Variants in FKRP observed in about 807,000 individuals in gnomAD.
FKRP encodes fukutin related protein, also known as ribitol 5-phosphate transferase FKRP.
A neutral mutation model predicts 30.6 loss-of-function variants in FKRP; 25 were observed. The ratio of observed to expected loss-of-function variants is 0.82; its 90% CI spans 0.60 to 1.14. The LOEUF is 1.14. FKRP is among the 50% of genes most tolerant of loss of function. The probability of loss-of-function intolerance (pLI) is 0.00; values close to 1 mark genes in which losing one functional copy is unlikely to be tolerated. For missense variants in FKRP, 771 were observed against 727.8 expected (o/e 1.06, Z -0.68); for synonymous variants, 358 against 342.5 (o/e 1.05, Z -0.50).
chr19:46,746,460 C>G (rs1469202620), intron 1 of FKRP: 2 of 990,548 alleles, frequency 2.0e-6, no homozygotes, highest in African/African-American at 1.8e-5. Context: ...TGCGCGCCCG[C>G]TGTGCCTCGC....
chr19:46,751,710 C>T (rs370440908), intron 3 of FKRP, among the ~76,000 whole-genome samples: 50 of 152,124 alleles, frequency 3.3e-4, no homozygotes, highest in African/African-American at 1.1e-3. Context: ...GGACTACAGG[C>T]GCCCGCCACC....
intron 3 of FKRP, among the ~76,000 whole-genome samples, chr19:46,751,075 T>C (rs1310451422): frequency 1.3e-5 from 2 of 149,680 alleles, no homozygotes; most frequent in African/African-American, 4.9e-5. Context: ...TTTTTTTTTT[T>C]AAAGACAGAC....
At position 46,756,253 on chromosome 19, in the gene FKRP, T is replaced by C; in HGVS notation, c.803T>C (p.Leu268Pro). Residue 268 changes from leucine to proline, a missense_variant, in exon 4 of 4, where the codon CTG becomes CCG. Physicochemically the swap from Leu to Pro is moderately conservative, Grantham distance 98 (BLOSUM62 -3). Transcript: ENST00000318584. This position sits in a 1 kb window ranked among gnomAD's most constrained non-coding sequence, Gnocchi z 6.6. ...GAGGGACGCGCTCGGCGGGCGGCGCTGCTCCGCGCGCTGGGCATCCGCCTA... is the reference window on the plus strand; with the variant it reads ...GAGGGACGCGCTCGGCGGGCGGCGCCGCTCCGCGCGCTGGGCATCCGCCTA... ...EREGRARRAA[L>P]LRALGIRLVS... The C allele has an allele frequency of 6.8e-7, 1 of 1,475,696 alleles. No homozygotes were observed. 91.4% of individuals were successfully genotyped at this position (1,475,696 alleles called of 1,614,324 possible).
At chr19:46,746,545 G>T in intron 1 of FKRP, 1 of 504,570 alleles carries the variant, frequency 2.0e-6, no homozygotes, top group Non-Finnish European at 2.5e-6. Context: ...GCGGGGGACA[G>T]TAGGAAGGGG....
In FKRP at chr19:46,752,597, A is replaced by C. The variant is rs1270180795; in HGVS notation, c.-39-2815A>C. Among the ~76,000 whole-genome samples, 3 of 152,200 alleles carry C rather than the reference A, an allele frequency of 2.0e-5. No homozygotes were observed. In the South Asian group the frequency reaches 6.2e-4, roughly 31 times the overall value. ...AAGATTAGAAAGGACATGGTGACTC[A>C]CGCCTGTAATCCTGGCACTTTGGGA... On this transcript the variant is annotated intron_variant, in intron 3 of 3. Coordinates refer to ENST00000318584, the MANE Select transcript of FKRP (RefSeq NM_024301.5).
intron 1 of FKRP, chr19:46,746,359 C>T: frequency 8.5e-7 from 1 of 1,173,440 alleles, no homozygotes; most frequent in Non-Finnish European, 1.1e-6. Flanking sequence ...GGCCAGGGCC[C>T]GCGCCTGAGC....
chr19:46,745,911 A>C (rs1001848817), upstream of FKRP: 127 of 313,414 alleles, frequency 4.1e-4, no homozygotes, highest in African/African-American at 1.0e-3. Context: ...GATCCCTCCC[A>C]CCCCCGGTCC....
upstream of FKRP, chr19:46,745,825 C>T: frequency 4.3e-6 from 1 of 233,204 alleles, no homozygotes. Context: ...CCGCGGCCAG[C>T]GTGCTCAGTC....
At chr19:46,745,965 A>C, upstream of FKRP, 1 of 583,288 alleles carries the variant, frequency 1.7e-6, no homozygotes, top group Non-Finnish European at 2.5e-6. Flanking sequence ...CCCACCCCGG[A>C]GTGCCCTCAG....
In FKRP at chr19:46,750,158, A is replaced by C. The variant is rs148631975; in HGVS notation, c.-40+1493A>C. Among the ~76,000 whole-genome samples the C allele has an allele frequency of 6.2e-3, 944 of 152,338 alleles. 13 individuals carry two copies. The highest frequency in any genetic ancestry group is 0.021 in the African/African-American group (882 of 41,578). On this transcript the variant is annotated intron_variant, in intron 3 of 3. Transcript: ENST00000318584. ...CGATTCAGAAAAATGTAGAACATTCAGACCTTCAAAATCATCATTGTATCC... is the reference window on the plus strand; with the variant it reads ...CGATTCAGAAAAATGTAGAACATTCCGACCTTCAAAATCATCATTGTATCC...
rs201076863 is a variant in FKRP at position 46,756,686 on chromosome 19, C to T, written c.1236C>T (p.His412=). Residue 412 remains histidine, a synonymous_variant, in exon 4 of 4, where the codon CAC becomes CAT. Transcript: ENST00000318584. This position sits in a 1 kb window ranked among gnomAD's most constrained non-coding sequence, Gnocchi z 6.6. The part of the protein sequence containing the change: ...FFRVQYSESN[H]LHVDLWPFYP... ...GCGTGCAGTACAGCGAAAGCAACCACTTGCACGTGGACCTGTGGCCCTTCT... is the reference window on the plus strand; with the variant it reads ...GCGTGCAGTACAGCGAAAGCAACCATTTGCACGTGGACCTGTGGCCCTTCT... The T allele has an allele frequency of 6.6e-5, 107 of 1,613,274 alleles. No individual in the cohort carries two copies. The East Asian group carries it at 2.2e-3, about 33-fold the overall frequency.
chr19:46,745,904 C>T (rs2054582954), upstream of FKRP: 1 of 359,054 alleles, frequency 2.8e-6, no homozygotes. Flanking sequence ...TCCCGGTGAT[C>T]CCTCCCACCC....
At chr19:46,751,698 T>C (rs1210218325) in intron 3 of FKRP, among the ~76,000 whole-genome samples, 1 of 152,026 alleles carries the variant, frequency 6.6e-6, no homozygotes, top group East Asian at 1.9e-4. Context: ...CCCGAGTAGC[T>C]GGGACTACAG....
chr19:46,753,329 T>TAC (rs2054831954), intron 3 of FKRP, among the ~76,000 whole-genome samples: 1 of 16,412 alleles, frequency 6.1e-5, no homozygotes, highest in Non-Finnish European at 1.2e-4. Context: ...TGGTGGCGCA[T>TAC]GCCTGTAATC....
Position 46,755,467 on chromosome 19 carries a change from G to A in FKRP, c.17G>A (p.Cys6Tyr). The A allele has an allele frequency of 6.2e-7, 1 of 1,607,790 alleles. No individual in the cohort carries two copies. The highest frequency in any genetic ancestry group is 8.5e-7 in the Non-Finnish European group (1 of 1,179,270). Residue 6 changes from cysteine to tyrosine, a missense_variant, in exon 4 of 4, where the codon TGC becomes TAC. Transcript: ENST00000318584. MRLTRCQAALAAAITL... is the reference protein window; with the variant it reads MRLTRYQAALAAAITL... ...TTCGGCCCCATGCGGCTCACCCGCT[G>A]CCAGGCTGCCCTGGCGGCCGCCATC...
intron 3 of FKRP, among the ~76,000 whole-genome samples, 192 bp from the exon 4 acceptor site, chr19:46,755,220 C>CCAGA (rs2054883423): frequency 6.6e-6 from 1 of 151,974 alleles, no homozygotes; most frequent in South Asian, 2.1e-4. Context: ...CTGAGGACAC[C>CCAGA]CAGAGTTGGT....
chr19:46,745,970 C>T, upstream of FKRP: 1 of 744,670 alleles, frequency 1.3e-6, no homozygotes, highest in East Asian at 3.7e-5. Context: ...CCCGGAGTGC[C>T]CTCAGGACAC....
chr19:46,746,083 G>A lies in FKRP; in HGVS notation c.-260G>A, dbSNP rs531446425. On this transcript the variant is annotated 5_prime_UTR_variant, in exon 1 of 4. Transcript: ENST00000318584. ...ATTGCTCCAAGATGGCGGCGGCGGC[G>A]GCAGCGGGTGAGGCCGGGCCGGGCC... 6 of 1,331,808 alleles carry A rather than the reference G, an allele frequency of 4.5e-6. No homozygotes were observed. The African/African-American group carries it at 4.7e-5, about 10-fold the overall frequency. The allele number at this position is 1,331,808 out of a possible 1,614,324, so 82.5% of individuals were successfully genotyped here.
chr19:46,748,742 CT>C (rs921347430), intron 3 of FKRP, 77 bp downstream of exon 3: 4 of 152,482 alleles, frequency 2.6e-5, no homozygotes, highest in Non-Finnish European at 5.9e-5. Context: ...TTTTGTCCGT[CT>C]TTTTTTTGTT....
Sources: allele counts gnomAD v4.1 joint callset (sites outside exome capture counted in the v4.1 genomes callset), GRCh38; gene constraint gnomAD v4.1.1; non-coding constraint Gnocchi (gnomAD v3.1); transcripts MANE v1.5; gene names NCBI Gene and HGNC (gene_info 2026-07-23, HGNC 2026-07-21).